The following SYT7 variants were observed in gnomAD, a reference collection of about 807,000 sequenced individuals.
SYT7 encodes the protein synaptotagmin-7.
A neutral mutation model predicts 75.1 loss-of-function variants in SYT7; 29 were observed. The observed-to-expected ratio is 0.39, with a 90% confidence interval of 0.29 to 0.53. The LOEUF (loss-of-function observed/expected upper bound fraction) is 0.53, where lower values mean the gene tolerates loss of function less well. Ranked by LOEUF, SYT7 falls within the 20% of genes least tolerant of loss-of-function variation. SYT7 has a pLI of 0.77. For synonymous variants in SYT7, 376 were observed against 401.7 expected (o/e 0.94, Z 0.76); for missense variants, 693 against 953.2 (o/e 0.73, Z 3.59).
rs10653898 is a variant in SYT7, at chr11:61,534,445, G to GCA, written c.1065-1323_1065-1322dup. The stretch of plus-strand genomic sequence containing the variant: ...TGCGCATACACACACGCACACGCAC[G>GCA]CACACACGCACGTGCGTGCATATGT... On this transcript the variant is annotated intron_variant, in intron 7 of 12. Transcript: ENST00000539008. Among the ~76,000 whole-genome samples the GCA allele has an allele frequency of 4.7e-3, 706 of 151,656 alleles. 3 individuals are homozygous for GCA. The highest frequency in any genetic ancestry group is 0.011 in the Admixed American group (170 of 15,246).
chr11:61,525,182 C>T (rs953938275), intron 9 of SYT7, among the ~76,000 whole-genome samples: 8 of 152,250 alleles, frequency 5.3e-5, no homozygotes, highest in African/African-American at 1.9e-4. Flanking sequence ...CCGCCCTCCC[C>T]GCATCCACGC....
intron 7 of SYT7, among the ~76,000 whole-genome samples, chr11:61,536,134 G>A (rs759444946): frequency 2.0e-5 from 3 of 152,062 alleles, no homozygotes; most frequent in Admixed American, 6.5e-5. Context: ...TGGGCATGAC[G>A]AGGTGGGAAT....
At chr11:61,578,147 TC>T (rs1371901267) in intron 1 of SYT7, among the ~76,000 whole-genome samples, 1 of 152,164 alleles carries the variant, frequency 6.6e-6, no homozygotes, top group African/African-American at 2.4e-5. Context: ...TTCACTGGAC[TC>T]CGATTATTTC....
intron 1 of SYT7, among the ~76,000 whole-genome samples, chr11:61,569,413 G>A (rs1013289090): frequency 6.6e-6 from 1 of 152,094 alleles, no homozygotes; most frequent in Non-Finnish European, 1.5e-5. Context: ...GGGAGGGAGG[G>A]ACTCTGAAGT....
At chr11:61,521,525 G>T (rs1233310453) in intron 12 of SYT7, among the ~76,000 whole-genome samples, 2 of 152,134 alleles carry the variant, frequency 1.3e-5, no homozygotes, top group African/African-American at 4.8e-5. Flanking sequence ...TCTCACCTGT[G>T]ACCACAGATT....
chr11:61,583,329 C>T (rs1194802730), upstream of SYT7, among the ~76,000 whole-genome samples: 2 of 152,190 alleles, frequency 1.3e-5, no homozygotes, highest in African/African-American at 2.4e-5. Flanking sequence ...TCCCTCCACC[C>T]ATCAATCTGA....
At chr11:61,574,789 C>T (rs928241338) in intron 1 of SYT7, among the ~76,000 whole-genome samples, 4 of 152,158 alleles carry the variant, frequency 2.6e-5, no homozygotes, top group South Asian at 2.1e-4. Context: ...CCATGCTGGC[C>T]GCCGCTCTCT....
rs1235008463 is a variant in SYT7, at chr11:61,514,647, G to A, written c.*3980C>T. Among the ~76,000 whole-genome samples, 1 of 152,176 alleles carries A rather than the reference G, an allele frequency of 6.6e-6. No homozygotes were observed. Among genetic ancestry groups the A allele is most frequent in the African/African-American group, 2.4e-5 (1 of 41,432 alleles). On this transcript the variant is annotated 3_prime_UTR_variant, in exon 13 of 13. Coordinates refer to ENST00000539008, the MANE Select transcript of SYT7 (RefSeq NM_001365809.2). ...TGGGGATGGTTATTGCTTTGTTGTG[G>A]CCAGAAGAAACAGGTGGAAGGAAAG...
intron 6 of SYT7, 119 bp from the exon 7 acceptor site, chr11:61,538,385 G>GAGAGAGAGAA (rs2062941958): frequency 2.4e-6 from 2 of 818,290 alleles, no homozygotes; most frequent in Admixed American, 3.0e-5. Flanking sequence ...GAGAGAGAGA[G>GAGAGAGAGAA]AGAAAGAGAG....
chr11:61,586,397 G>A, the SYT7 span, among the ~76,000 whole-genome samples: 1 of 152,330 alleles, frequency 6.6e-6, no homozygotes, highest in South Asian at 2.1e-4. Flanking sequence ...GGCCATGGGG[G>A]CTACTGAGAT....
At position 61,515,493 on chromosome 11, in the gene SYT7, T is replaced by C. The variant is rs2062127412; in HGVS notation, c.*3134A>G. ...TTTTTTTCTTCAGTTTTTCTTCATT[T>C]CTCTTCGCTGCAAAATTTTTTTTTT... On this transcript the variant is annotated 3_prime_UTR_variant, in exon 13 of 13. Transcript: ENST00000539008. 1 of 151,510 alleles carries C rather than the reference T, an allele frequency of 6.6e-6. No individual in the cohort carries two copies. Among genetic ancestry groups the C allele is most frequent in the Non-Finnish European group, 1.5e-5 (1 of 67,902 alleles). 9.4% of individuals were successfully genotyped at this position (151,510 alleles called of 1,614,324 possible).
At chr11:61,531,462 G>A (rs17849203) in intron 8 of SYT7, among the ~76,000 whole-genome samples, 16 of 152,162 alleles carry the variant, frequency 1.1e-4, no homozygotes, top group African/African-American at 2.9e-4. Flanking sequence ...CTTCCTGGGG[G>A]GGGGAAGATG....
chr11:61,542,575 C>T lies in SYT7; in HGVS notation c.577G>A (p.Glu193Lys). 1.3e-6 allele frequency: 2 copies of T among 1,490,280 alleles called. No individual in the cohort carries two copies. The highest frequency in any genetic ancestry group is 2.6e-5 in the East Asian group (1 of 38,634). The allele number at this position is 1,490,280 out of a possible 1,614,324, so 92.3% of individuals were successfully genotyped here. Residue 193 changes from glutamate to lysine, a missense_variant, in exon 6 of 13, where the codon GAG (glutamate) becomes AAG (lysine). Physicochemically the swap from Glu to Lys is moderately conservative, Grantham distance 56. Transcript: ENST00000539008. The surrounding 1 kb of genome is among the most constrained non-coding windows in gnomAD (Gnocchi z 7.8). ...GTGGCCGTGGACAGGGTGGAGTCCT[C>T]GAAACTTGGGGCAGGTGGAGGAGAG... is the stretch of plus-strand genomic sequence containing the variant. ...AAGKLNLSNF[E>K]DSTLSTATTL...
At chr11:61,541,275 G>A (rs1162532520) in intron 6 of SYT7, 1 of 985,448 alleles carries the variant, frequency 1.0e-6, no homozygotes, top group African/African-American at 1.7e-5. Context: ...GAAGACCTGG[G>A]CGATGGGAAC....
intron 1 of SYT7, among the ~76,000 whole-genome samples, chr11:61,577,210 C>A (rs888581429): frequency 3.3e-5 from 5 of 152,218 alleles, no homozygotes; most frequent in Non-Finnish European, 5.9e-5. Context: ...CTGGCCCATG[C>A]CCCATTGAAA....
chr11:61,565,121 A>G (rs80296300), intron 1 of SYT7, among the ~76,000 whole-genome samples: 3,856 of 152,072 alleles, frequency 0.025, 73 homozygotes, highest in African/African-American at 0.043. Context: ...TCTGCAATAC[A>G]CGTCAAGCCC....
In SYT7 at chr11:61,527,704, C is replaced by T. The variant is rs1265152808; in HGVS notation, c.1471+211G>A. Reference sequence around the variant, plus strand: ...CGGGCCAGGACGTTGCCTGTGTGGGCGTGTGCGAGAGCACATGTGTGGATC... The same window carrying T: ...CGGGCCAGGACGTTGCCTGTGTGGGTGTGTGCGAGAGCACATGTGTGGATC... On this transcript the variant is annotated intron_variant, in intron 9 of 12. Coordinates refer to ENST00000539008, the MANE Select transcript of SYT7 (RefSeq NM_001365809.2). 3.3e-5 allele frequency among the ~76,000 whole-genome samples: 5 copies of T among 152,206 alleles called. No individual in the cohort carries two copies. In the East Asian group the frequency reaches 9.6e-4, roughly 29 times the overall value.
At chr11:61,526,814 T>C (rs1225299382) in intron 9 of SYT7, among the ~76,000 whole-genome samples, 1 of 152,176 alleles carries the variant, frequency 6.6e-6, no homozygotes, top group African/African-American at 2.4e-5. Context: ...CACTCACTGC[T>C]CACCCTCAGT....
At chr11:61,566,128 C>T (rs1005240824) in intron 1 of SYT7, among the ~76,000 whole-genome samples, 1 of 152,256 alleles carries the variant, frequency 6.6e-6, no homozygotes, top group Non-Finnish European at 1.5e-5. Flanking sequence ...TCTGCTGTCT[C>T]TTCCAGTCGA....
Sources: gnomAD v4.1 joint callset for allele counts (sites outside exome capture counted in the v4.1 genomes callset) on GRCh38, gnomAD v4.1.1 for gene constraint, Gnocchi (gnomAD v3.1) non-coding constraint, MANE v1.5 for transcripts, NCBI Gene and HGNC (gene_info 2026-07-23, HGNC 2026-07-21) for gene names.